Variants in GLYATL1 observed in about 807,000 individuals in gnomAD.
The protein encoded by GLYATL1 is glycine-N-acyltransferase like 1.
A neutral mutation model predicts 20.0 loss-of-function variants in GLYATL1; 15 were observed. The ratio of observed to expected loss-of-function variants is 0.75; its 90% CI spans 0.50 to 1.15. GLYATL1 has a LOEUF of 1.15. Ranked by LOEUF, GLYATL1 falls within the 50% of genes most tolerant of loss-of-function variation. The pLI is 0.00. For missense variants in GLYATL1, 380 were observed against 368.5 expected (o/e 1.03, Z -0.26); for synonymous variants, 151 against 131.5 (o/e 1.15, Z -1.01).
At chr11:58,943,888 A>C (rs1020639155) in intron 2 of GLYATL1, among the ~76,000 whole-genome samples, 2 of 152,154 alleles carry the variant, frequency 1.3e-5, no homozygotes, top group Non-Finnish European at 2.9e-5. Flanking sequence ...GTAATGTTGC[A>C]GGAGTTATAA....
chr11:58,926,767 C>A (rs1590774083), upstream of GLYATL1, among the ~76,000 whole-genome samples: 1 of 152,154 alleles, frequency 6.6e-6, no homozygotes, highest in African/African-American at 2.4e-5. Context: ...AAAAGAAAAT[C>A]TGAAAGCATC....
At chr11:58,939,925 C>T (rs987201663) in intron 1 of GLYATL1, among the ~76,000 whole-genome samples, 1 of 152,068 alleles carries the variant, frequency 6.6e-6, no homozygotes, top group African/African-American at 2.4e-5. Context: ...TTGAGCCCAA[C>T]CAATGGAGAG....
At chr11:58,927,580 A>G (rs1021379105), upstream of GLYATL1, 2 of 152,266 alleles carry the variant, frequency 1.3e-5, no homozygotes, top group Non-Finnish European at 2.9e-5. Context: ...GCTAGCTCCA[A>G]TGGTGGCTTA....
Position 58,953,042 on chromosome 11 carries a change from AG to A in GLYATL1, c.187-1726del, listed in dbSNP as rs1174328946. Among the ~76,000 whole-genome samples, 4 of 152,216 alleles carry A rather than the reference AG, an allele frequency of 2.6e-5. No individual in the cohort carries two copies. In the East Asian group the frequency reaches 7.7e-4, roughly 29 times the overall value. ...GGGAATCAACCCAGGTGATCATCAAAGGTAGACTGGATAAAAAAAACTTGAT... is the reference window on the plus strand; with the variant it reads ...GGGAATCAACCCAGGTGATCATCAAAGTAGACTGGATAAAAAAAACTTGAT... On this transcript the variant is annotated intron_variant, in intron 4 of 6. Transcript: ENST00000532726.
upstream of GLYATL1, among the ~76,000 whole-genome samples, chr11:58,924,427 C>G (rs1209764014): frequency 1.3e-5 from 2 of 152,142 alleles, no homozygotes; most frequent in South Asian, 2.1e-4. Flanking sequence ...AGGTAAGAAC[C>G]AGCTGCCTTC....
intron 1 of GLYATL1, among the ~76,000 whole-genome samples, chr11:58,929,802 A>T (rs141148220): frequency 2.0e-5 from 3 of 152,302 alleles, no homozygotes; most frequent in African/African-American, 4.8e-5. Flanking sequence ...AGCTAAACTC[A>T]TTGGCTTCCC....
upstream of GLYATL1, among the ~76,000 whole-genome samples, chr11:58,926,484 G>A (rs1376344241): frequency 6.6e-6 from 1 of 152,152 alleles, no homozygotes; most frequent in Non-Finnish European, 1.5e-5. Flanking sequence ...GGCTGTAAAA[G>A]TTCTTTAACA....
downstream of GLYATL1, among the ~76,000 whole-genome samples, chr11:58,908,795 A>G (rs1854971559): frequency 6.6e-6 from 1 of 152,252 alleles, no homozygotes; most frequent in African/African-American, 2.4e-5. Context: ...ACTTAAAATC[A>G]TGGAAAGTAC....
intron 4 of GLYATL1, among the ~76,000 whole-genome samples, chr11:58,948,387 C>T (rs1307710244): frequency 6.6e-6 from 1 of 152,134 alleles, no homozygotes; most frequent in Non-Finnish European, 1.5e-5. Context: ...ACCTGTAATC[C>T]CAGCATTTTG....
rs375700147 is a variant in GLYATL1 at position 58,931,565 on chromosome 11, T to C, written c.-212+3736T>C. ...AAAGTGATACCTACTTCAAGCTATA[T>C]ACAAAAAATTATTCCAGATTACATA... On this transcript the variant is annotated intron_variant, in intron 1 of 7. Coordinates refer to the GLYATL1 transcript ENST00000317391. 7.9e-5 allele frequency among the ~76,000 whole-genome samples: 12 copies of C among 152,312 alleles called. No individual in the cohort carries two copies. In the South Asian group the frequency reaches 2.3e-3, roughly 29 times the overall value.
intron 1 of GLYATL1, among the ~76,000 whole-genome samples, chr11:58,932,199 A>G (rs1223908970): frequency 2.0e-5 from 3 of 151,942 alleles, no homozygotes; most frequent in Admixed American, 6.6e-5. Context: ...TAGTAATTAG[A>G]AAACTACTGT....
At chr11:58,944,908 G>A (rs2135204026) in intron 2 of GLYATL1, among the ~76,000 whole-genome samples, 1 of 151,784 alleles carries the variant, frequency 6.6e-6, no homozygotes, top group East Asian at 1.9e-4. Context: ...ATTATGCTAA[G>A]TGAAATAAGC....
chr11:58,932,982 T>C (rs546872494), intron 1 of GLYATL1, among the ~76,000 whole-genome samples: 6 of 152,332 alleles, frequency 3.9e-5, no homozygotes, highest in African/African-American at 1.4e-4. Context: ...TAAATTGCTT[T>C]TGAATGTAGA....
intron 1 of GLYATL1, among the ~76,000 whole-genome samples, chr11:58,920,648 G>T (rs1396221943): frequency 6.6e-6 from 1 of 152,216 alleles, no homozygotes; most frequent in East Asian, 1.9e-4. Context: ...AAGATGGAGA[G>T]AAAGGTAGCC....
chr11:58,941,045 T>G (rs1474038299), intron 1 of GLYATL1, among the ~76,000 whole-genome samples: 1 of 151,514 alleles, frequency 6.6e-6, no homozygotes, highest in South Asian at 2.1e-4. Context: ...GTAATTTTTT[T>G]TATTATTATT....
intron 1 of GLYATL1, among the ~76,000 whole-genome samples, chr11:58,920,121 G>T (rs1324286013): frequency 6.6e-6 from 1 of 152,146 alleles, no homozygotes; most frequent in African/African-American, 2.4e-5. Context: ...TTGCCTCTTT[G>T]TCTGCCTTCC....
exon 2 of GLYATL1, chr11:58,908,371 G>C (rs967157815): frequency 1.3e-5 from 2 of 153,066 alleles, no homozygotes; most frequent in African/African-American, 4.8e-5. Context: ...TTGTTTTTTT[G>C]TTTTTTTAGA....
At chr11:58,914,925 A>G (rs949454125) in intron 1 of GLYATL1, among the ~76,000 whole-genome samples, 2 of 152,164 alleles carry the variant, frequency 1.3e-5, no homozygotes, top group Non-Finnish European at 2.9e-5. Flanking sequence ...GTGGGAGTGC[A>G]GTGGATGTGG....
chr11:58,910,155 TTATGGCTCCTAAAAA>T, downstream of GLYATL1, among the ~76,000 whole-genome samples: 1 of 152,286 alleles, frequency 6.6e-6, no homozygotes, highest in South Asian at 2.1e-4. Context: ...TTTCCATACA[TTATGGCTCCTAAAAA>T]GTGGGAGAGG....
Sources: gnomAD v4.1 joint callset for allele counts (sites outside exome capture counted in the v4.1 genomes callset) on GRCh38, gnomAD v4.1.1 for gene constraint, MANE v1.5 for transcripts, NCBI Gene and HGNC (gene_info 2026-07-23, HGNC 2026-07-21) for gene names.